GABRG3: variants seen among roughly 807,000 people sequenced by gnomAD.
GABRG3 encodes the protein gamma-aminobutyric acid type A receptor subunit gamma3.
A neutral mutation model predicts 48.8 loss-of-function variants in GABRG3; 25 were observed. That is an observed-to-expected ratio of 0.51 (90% CI 0.37 to 0.72). The LOEUF (loss-of-function observed/expected upper bound fraction) is 0.72, where lower values mean the gene tolerates loss of function less well. GABRG3 is among the 30% of genes least tolerant of loss of function. The pLI, the probability that GABRG3 is intolerant of heterozygous loss-of-function variation, is 0.00. For missense variants in GABRG3, 394 were observed against 577.9 expected (o/e 0.68, Z 3.26); for synonymous variants, 227 against 217.6 (o/e 1.04, Z -0.38).
chr15:27,398,688 A>ACC (rs1887392015), intron 5 of GABRG3, among the ~76,000 whole-genome samples: 2 of 151,972 alleles, frequency 1.3e-5, no homozygotes, highest in South Asian at 4.2e-4. Context: ...ACACACACAC[A>ACC]CCCCTCTATT....
chr15:27,303,288 C>A (rs183599094), intron 3 of GABRG3, among the ~76,000 whole-genome samples: 1 of 150,902 alleles, frequency 6.6e-6, no homozygotes, highest in African/African-American at 2.4e-5. Context: ...GACTACAAGG[C>A]CTTCCAGGAT....
At chr15:27,480,565 A>T in intron 5 of GABRG3, 85 bp from the exon 6 acceptor site, 1 of 1,267,650 alleles carries the variant, frequency 7.9e-7, no homozygotes, top group Non-Finnish European at 1.1e-6. Context: ...TAACTCCTGT[A>T]ATTCATTGAT....
chr15:27,402,496 C>G (rs1233331061), intron 5 of GABRG3, among the ~76,000 whole-genome samples: 3 of 152,192 alleles, frequency 2.0e-5, no homozygotes, highest in Non-Finnish European at 2.9e-5. Context: ...ACCAAGGGGT[C>G]AGCCTGGCAA....
chr15:27,384,063 TA>T (rs1895854228), intron 5 of GABRG3, among the ~76,000 whole-genome samples: 1 of 152,198 alleles, frequency 6.6e-6, no homozygotes, highest in Non-Finnish European at 1.5e-5. Flanking sequence ...TTCGGTTAAT[TA>T]ATTATAATTT....
At chr15:27,467,828 T>G (rs1186090657) in intron 5 of GABRG3, among the ~76,000 whole-genome samples, 1 of 152,234 alleles carries the variant, frequency 6.6e-6, no homozygotes, top group African/African-American at 2.4e-5. Context: ...ATCCACGTTT[T>G]GCTTTCTGCA....
intron 6 of GABRG3, among the ~76,000 whole-genome samples, chr15:27,509,690 A>C (rs1292139596): frequency 1.3e-5 from 2 of 152,094 alleles, no homozygotes; most frequent in Admixed American, 6.5e-5. Context: ...CTTCCATTAG[A>C]TTCTTTCTTA....
chr15:26,998,795 C>T (rs930404716), intron 2 of GABRG3, among the ~76,000 whole-genome samples: 8 of 152,034 alleles, frequency 5.3e-5, no homozygotes, highest in Admixed American at 1.3e-4. Context: ...TTTTATAAAA[C>T]GAATCTAGGG....
intron 3 of GABRG3, among the ~76,000 whole-genome samples, chr15:27,309,262 G>A (rs933326167): frequency 6.6e-5 from 10 of 151,076 alleles, no homozygotes; most frequent in South Asian, 2.1e-4. Flanking sequence ...ACATATACAC[G>A]TACACATACA....
chr15:27,350,727 G>A (rs1894535921), intron 5 of GABRG3, among the ~76,000 whole-genome samples: 1 of 152,198 alleles, frequency 6.6e-6, no homozygotes, highest in African/African-American at 2.4e-5. Context: ...GAGCCATGGG[G>A]GAGGAAGACA....
At chr15:27,498,097 T>C (rs548533461) in intron 6 of GABRG3, among the ~76,000 whole-genome samples, 6 of 152,236 alleles carry the variant, frequency 3.9e-5, no homozygotes, top group Non-Finnish European at 8.8e-5. Context: ...AGTTGTGTTT[T>C]CTTAGGATTT....
intron 3 of GABRG3, among the ~76,000 whole-genome samples, chr15:27,078,030 C>T (rs1182768530): frequency 1.3e-5 from 2 of 152,218 alleles, no homozygotes; most frequent in African/African-American, 2.4e-5. Flanking sequence ...GCTGGCTGGA[C>T]ACACAGACGG....
chr15:27,283,512 G>C (rs1891506692), intron 3 of GABRG3, among the ~76,000 whole-genome samples: 1 of 152,208 alleles, frequency 6.6e-6, no homozygotes, highest in African/African-American at 2.4e-5. Context: ...GCTGAGGCAG[G>C]AGAATCACTT....
chr15:27,518,195 C>CAAAAAAAAAAAA lies in GABRG3; in HGVS notation c.713-1767_713-1756dup, dbSNP rs58222645. On this transcript the variant is annotated intron_variant, in intron 6 of 9. Transcript: ENST00000615808. The stretch of plus-strand genomic sequence containing the variant: ...TGAAACCCCAACTCTACTAAAAATA[C>CAAAAAAAAAAAA]AAAAAAAAAAAAAAAAAAAAAGAAT... 2.4e-3 allele frequency among the ~76,000 whole-genome samples: 212 copies of CAAAAAAAAAAAA among 87,966 alleles called. 2 individuals are homozygous for CAAAAAAAAAAAA. The highest frequency in any genetic ancestry group is 7.8e-3 in the African/African-American group (182 of 23,442). The allele number at this position is 87,966 out of a possible 152,430, so 57.7% of individuals were successfully genotyped here.
intron 3 of GABRG3, among the ~76,000 whole-genome samples, chr15:27,232,789 A>G (rs1173620390): frequency 2.0e-5 from 3 of 152,246 alleles, no homozygotes; most frequent in Admixed American, 6.5e-5. Context: ...TTTTAGTGAA[A>G]AATGTTACCA....
At chr15:27,216,744 T>A (rs983619754) in intron 3 of GABRG3, among the ~76,000 whole-genome samples, 5 of 138,552 alleles carry the variant, frequency 3.6e-5, no homozygotes, top group South Asian at 2.3e-4. Flanking sequence ...TTTTTTTTTT[T>A]TTATTTTTTA....
At chr15:27,065,510 G>T (rs988744115) in intron 3 of GABRG3, among the ~76,000 whole-genome samples, 1 of 152,204 alleles carries the variant, frequency 6.6e-6, no homozygotes, top group South Asian at 2.1e-4. Context: ...GCTGCTGTGA[G>T]TAGCCAGTGG....
chr15:27,095,070 T>C (rs1444664161), intron 3 of GABRG3, among the ~76,000 whole-genome samples: 1 of 152,162 alleles, frequency 6.6e-6, no homozygotes, highest in Admixed American at 6.5e-5. Context: ...GACAGGCATC[T>C]CTGCAAATGA....
chr15:27,271,705 C>A, intron 3 of GABRG3: 2 of 443,996 alleles, frequency 4.5e-6, no homozygotes, highest in Non-Finnish European at 9.1e-6. Flanking sequence ...GCTGGCACAG[C>A]GCCAGAGGGA....
intron 5 of GABRG3, among the ~76,000 whole-genome samples, chr15:27,371,688 G>C (rs1349525874): frequency 1.3e-5 from 2 of 152,188 alleles, no homozygotes; most frequent in African/African-American, 2.4e-5. Flanking sequence ...GTCTGTATAT[G>C]TGAGGAGGAC....
Sources: gnomAD v4.1 joint callset for allele counts (sites outside exome capture counted in the v4.1 genomes callset) on GRCh38, gnomAD v4.1.1 for gene constraint, MANE v1.5 for transcripts, NCBI Gene and HGNC (gene_info 2026-07-23, HGNC 2026-07-21) for gene names.